PRR16: variants seen among roughly 807,000 people sequenced by gnomAD.
PRR16 encodes the protein protein Largen.
Under a neutral mutation model 18.2 loss-of-function variants are expected in PRR16, and 6 were observed. The ratio of observed to expected loss-of-function variants is 0.33; its 90% CI spans 0.18 to 0.65. PRR16 has a LOEUF of 0.65. Ranked by LOEUF, PRR16 falls within the 30% of genes least tolerant of loss-of-function variation. PRR16 has a pLI of 0.74. For synonymous variants in PRR16, 151 were observed against 147.8 expected (o/e 1.02, Z -0.16); for missense variants, 412 against 376.6 (o/e 1.09, Z -0.78).
At chr5:120,658,050 T>C (rs1900885) in intron 1 of PRR16, 38,936 of 151,846 alleles carry the variant, frequency 0.26, 6,192 homozygotes, top group Middle Eastern at 0.42. Context: ...TTGTTGTTGT[T>C]GTTGTTGTTC....
At chr5:120,730,221 T>C in the PRR16 span, among the ~76,000 whole-genome samples, 1 of 152,164 alleles carries the variant, frequency 6.6e-6, no homozygotes, top group Non-Finnish European at 1.5e-5. Context: ...ATACTTTAGA[T>C]ATTTAATCTT....
the PRR16 span, among the ~76,000 whole-genome samples, chr5:120,704,589 G>C: frequency 6.6e-6 from 1 of 152,118 alleles, no homozygotes; most frequent in African/African-American, 2.4e-5. Context: ...TTTGCTTTCC[G>C]TTATATACCA....
At chr5:120,747,990 G>A in the PRR16 span, among the ~76,000 whole-genome samples, 6 of 151,912 alleles carry the variant, frequency 3.9e-5, no homozygotes, top group Non-Finnish European at 5.9e-5. Context: ...TGTCATTTAC[G>A]AATCGTTGCT....
chr5:120,737,415 T>TTAA, the PRR16 span, among the ~76,000 whole-genome samples: 3 of 150,944 alleles, frequency 2.0e-5, no homozygotes, highest in South Asian at 4.2e-4. Flanking sequence ...CTTTATTCTG[T>TTAA]TAATGTGGTG....
the PRR16 span, among the ~76,000 whole-genome samples, chr5:120,769,324 G>A: frequency 1.4e-4 from 21 of 151,738 alleles, no homozygotes; most frequent in Non-Finnish European, 3.1e-4. Flanking sequence ...ACATGCCAAA[G>A]TTTTCTTGTG....
intron 1 of PRR16, among the ~76,000 whole-genome samples, chr5:120,660,262 T>C (rs1756131216): frequency 6.6e-6 from 1 of 152,108 alleles, no homozygotes; most frequent in Non-Finnish European, 1.5e-5. Context: ...AGTTTTGTTC[T>C]TGTCAACACA....
intron 1 of PRR16, among the ~76,000 whole-genome samples, chr5:120,637,536 G>A (rs1181433771): frequency 1.3e-4 from 20 of 152,076 alleles, no homozygotes; most frequent in Admixed American, 1.3e-3. Flanking sequence ...ATTATTCTAA[G>A]TGAAGTAACT....
intron 1 of PRR16, among the ~76,000 whole-genome samples, chr5:120,539,736 C>T (rs1751847989): frequency 6.6e-6 from 1 of 152,042 alleles, no homozygotes; most frequent in Admixed American, 6.5e-5. Context: ...CATTTTGAGT[C>T]ATGAGATTCT....
chr5:120,516,911 G>C (rs972791464), intron 1 of PRR16, among the ~76,000 whole-genome samples: 1 of 151,888 alleles, frequency 6.6e-6, no homozygotes, highest in Non-Finnish European at 1.5e-5. Context: ...GGCTTTGTCA[G>C]GCAGGGCCAC....
intron 1 of PRR16, among the ~76,000 whole-genome samples, chr5:120,510,558 T>C (rs1450539051): frequency 6.6e-6 from 1 of 152,200 alleles, no homozygotes; most frequent in Non-Finnish European, 1.5e-5. Context: ...ACATGTTAGA[T>C]ATTAGACATT....
intron 1 of PRR16, among the ~76,000 whole-genome samples, chr5:120,636,225 A>G (rs1900889): frequency 0.26 from 39,320 of 151,918 alleles, 6,116 homozygotes; most frequent in Middle Eastern, 0.41. Context: ...CAAATTCAAT[A>G]CAATTCCCAT....
chr5:120,529,020 T>A (rs529714227), intron 1 of PRR16, among the ~76,000 whole-genome samples: 15 of 152,282 alleles, frequency 9.9e-5, no homozygotes, highest in African/African-American at 3.1e-4. Flanking sequence ...TTAAATCATT[T>A]TTTTTATGAT....
In PRR16 at chr5:120,464,825, A is replaced by AT. The variant is rs200451646; in HGVS notation, c.159+191dup. Among the ~76,000 whole-genome samples the AT allele has an allele frequency of 1.0e-3, 149 of 148,654 alleles. 1 individual carries two copies. Among genetic ancestry groups the AT allele is most frequent in the African/African-American group, 2.2e-3 (88 of 40,668 alleles). Reference sequence around the variant, plus strand: ...AGAGGAGTTGTTGTTGCACTTTTTAATTTTTTTTTTTAATCAGGAAGAAAT... The same window carrying AT: ...AGAGGAGTTGTTGTTGCACTTTTTAATTTTTTTTTTTTAATCAGGAAGAAAT... On this transcript the variant is annotated intron_variant, in intron 1 of 1. Coordinates refer to ENST00000407149, the MANE Select transcript of PRR16 (RefSeq NM_001300783.2).
At chr5:120,541,072 A>G (rs915879803) in intron 1 of PRR16, among the ~76,000 whole-genome samples, 1 of 152,198 alleles carries the variant, frequency 6.6e-6, no homozygotes, top group Non-Finnish European at 1.5e-5. Flanking sequence ...TTGCTTTAGT[A>G]TTTGAGGCAG....
At chr5:120,497,384 ATTTTTTTT>A (rs765496177) in intron 1 of PRR16, among the ~76,000 whole-genome samples, 1 of 84,170 alleles carries the variant, frequency 1.2e-5, no homozygotes, top group African/African-American at 5.5e-5. Flanking sequence ...TGATGAACTG[ATTTTTTTT>A]TTTTTTTTTT....
chr5:120,526,525 A>G (rs903447904), intron 1 of PRR16, among the ~76,000 whole-genome samples: 1 of 152,080 alleles, frequency 6.6e-6, no homozygotes, highest in African/African-American at 2.4e-5. Flanking sequence ...CTCGTGTTAT[A>G]GTGTATTACT....
At chr5:120,792,878 G>A in the PRR16 span, among the ~76,000 whole-genome samples, 2,055 of 152,300 alleles carry the variant, frequency 0.013, 52 homozygotes, top group African/African-American at 0.046. Context: ...TGGGCTGGGC[G>A]TGGTGGCTCA....
At chr5:120,766,004 G>T in the PRR16 span, among the ~76,000 whole-genome samples, 1 of 151,938 alleles carries the variant, frequency 6.6e-6, no homozygotes, top group Non-Finnish European at 1.5e-5. Flanking sequence ...CCATTCCAGT[G>T]TTTATAGGTA....
chr5:120,534,600 A>G lies in PRR16; in HGVS notation c.159+69955A>G, dbSNP rs144070808. Among the ~76,000 whole-genome samples, 1,151 of 152,258 alleles carry G rather than the reference A, an allele frequency of 7.6e-3. 18 individuals are homozygous for G. Among genetic ancestry groups the G allele is most frequent in the African/African-American group, 0.026 (1,098 of 41,552 alleles). On this transcript the variant is annotated intron_variant, in intron 1 of 1. Transcript: ENST00000407149. ...TGAATCTATCTGTACTTAGAAATGT[A>G]TTATCTGTCACCTTATTTCTATCTC... is the stretch of plus-strand genomic sequence containing the variant.
Sources: allele counts gnomAD v4.1 joint callset (sites outside exome capture counted in the v4.1 genomes callset), GRCh38; gene constraint gnomAD v4.1.1; transcripts MANE v1.5; gene names NCBI Gene and HGNC (gene_info 2026-07-23, HGNC 2026-07-21).